Variants in TUBD1 observed in about 807,000 individuals in gnomAD.
TUBD1 encodes the protein tubulin delta 1, also known as tubulin delta chain.
TUBD1 carries 38 observed loss-of-function variants against 51.2 expected under a neutral mutation model. The observed-to-expected ratio is 0.74, with a 90% CI of 0.57 to 0.97. TUBD1 has a LOEUF of 0.97. Ranked by LOEUF, TUBD1 falls within the 50% of genes least tolerant of loss-of-function variation. The pLI is 0.00. For missense variants in TUBD1, 489 were observed against 538.4 expected (o/e 0.91, Z 0.91); for synonymous variants, 169 against 178.2 (o/e 0.95, Z 0.41).
At chr17:59,889,424 T>C (rs2040884460) in intron 2 of TUBD1, among the ~76,000 whole-genome samples, 1 of 151,130 alleles carries the variant, frequency 6.6e-6, no homozygotes, top group South Asian at 2.1e-4. Flanking sequence ...CCCAGCACTT[T>C]GGGAAGCTGA....
chr17:59,891,574 C>T (rs1394412770), intron 1 of TUBD1, among the ~76,000 whole-genome samples: 1 of 152,152 alleles, frequency 6.6e-6, no homozygotes, highest in Non-Finnish European at 1.5e-5. Flanking sequence ...TACCTGAATC[C>T]ATTCATACAC....
chr17:59,888,178 G>A (rs1308090521), intron 2 of TUBD1, among the ~76,000 whole-genome samples: 2 of 151,918 alleles, frequency 1.3e-5, no homozygotes, highest in Non-Finnish European at 1.5e-5. Context: ...CTCATGATTC[G>A]CCCGCCTCGA....
chr17:59,860,012 ATT>A lies in TUBD1; in HGVS notation c.*308_*309del, dbSNP rs750457639. 67 of 125,446 alleles carry A rather than the reference ATT, an allele frequency of 5.3e-4. No homozygotes were observed. Among genetic ancestry groups the A allele is most frequent in the Middle Eastern group, 3.9e-3 (1 of 254 alleles). The allele number at this position is 125,446 out of a possible 1,614,324, so 7.8% of individuals were successfully genotyped here. ...TTTAACAGAATGGAACTTTGAAAAC[ATT>A]TTTTTTTTTTTTTTTTTTTGAGACG... is the stretch of plus-strand genomic sequence containing the variant. On this transcript the variant is annotated 3_prime_UTR_variant, in exon 9 of 9. Coordinates refer to ENST00000325752, the MANE Select transcript of TUBD1 (RefSeq NM_016261.4).
chr17:59,872,528 T>TGTA (rs2040027383), intron 6 of TUBD1, among the ~76,000 whole-genome samples: 1 of 152,160 alleles, frequency 6.6e-6, no homozygotes, highest in African/African-American at 2.4e-5. Flanking sequence ...ATATAATCTA[T>TGTA]GTACACAAGG....
chr17:59,869,474 C>T (rs553547751), intron 6 of TUBD1, among the ~76,000 whole-genome samples: 1 of 151,244 alleles, frequency 6.6e-6, no homozygotes, highest in East Asian at 1.9e-4. Context: ...GATTCTGTCC[C>T]CCCCGCCAAA....
At chr17:59,871,549 A>G (rs1298293722) in intron 6 of TUBD1, among the ~76,000 whole-genome samples, 1 of 152,086 alleles carries the variant, frequency 6.6e-6, no homozygotes, top group African/African-American at 2.4e-5. Context: ...GTACTCTCTT[A>G]GGGAGCTCCT....
chr17:59,874,580 T>A lies in TUBD1; in HGVS notation c.893A>T (p.His298Leu), dbSNP rs763339768. The A allele has an allele frequency of 5.6e-6, 9 of 1,613,312 alleles. No individual in the cohort carries two copies. In the East Asian group the frequency reaches 2.0e-4, roughly 36 times the overall value. The part of the protein sequence containing the change: ...TTFTWAGLLK[H>L]LRQMLISNAK... ...ATTAGAAATGAGCATCTGTCTCAAA[T>A]GCTTGAGGAGGCCAGCCCAAGTAAA... Residue 298 changes from histidine (H) to leucine (L), a missense_variant, in exon 6 of 9, where the codon CAT becomes CTT. Physicochemically the swap from His to Leu is moderately conservative, Grantham distance 99. Transcript: ENST00000325752.
intron 2 of TUBD1, among the ~76,000 whole-genome samples, chr17:59,889,500 C>G (rs1264132562): frequency 6.6e-6 from 1 of 150,450 alleles, no homozygotes; most frequent in Non-Finnish European, 1.5e-5. Flanking sequence ...AACCCCATCT[C>G]TACTAAAAAT....
intron 3 of TUBD1, among the ~76,000 whole-genome samples, chr17:59,881,738 G>A (rs1032991689): frequency 6.6e-6 from 1 of 151,752 alleles, no homozygotes; most frequent in African/African-American, 2.4e-5. Context: ...GTACAATGGC[G>A]CGATCTCGGC....
chr17:59,874,704 C>T lies in TUBD1; in HGVS notation c.770-1G>A, dbSNP rs1384086360. 3 of 1,599,364 alleles carry T rather than the reference C, an allele frequency of 1.9e-6. No homozygotes were observed. The highest frequency in any genetic ancestry group is 2.5e-6 in the Non-Finnish European group (3 of 1,176,642). ...GGAACTAAATGCTCCATTAAGTCTCCTGTAAAGAAAAAAAAATCTGAACTA... is the reference window on the plus strand; with the variant it reads ...GGAACTAAATGCTCCATTAAGTCTCTTGTAAAGAAAAAAAAATCTGAACTA... On this transcript the variant is annotated splice_acceptor_variant, in intron 5 of 8. Transcript: ENST00000325752. LOFTEE classifies it high-confidence loss of function.
chr17:59,864,917 C>G (rs1362963565), intron 7 of TUBD1, among the ~76,000 whole-genome samples: 3 of 151,972 alleles, frequency 2.0e-5, no homozygotes, highest in African/African-American at 4.8e-5. Context: ...ACAGTAGCAC[C>G]ACCATCATTG....
intron 6 of TUBD1, among the ~76,000 whole-genome samples, chr17:59,872,693 AATGTGT>A (rs1295334488): frequency 4.3e-4 from 42 of 97,976 alleles, no homozygotes; most frequent in African/African-American, 1.7e-3. Context: ...TGAAAATGGG[AATGTGT>A]GTGTGTGTGT....
intron 2 of TUBD1, among the ~76,000 whole-genome samples, chr17:59,887,279 C>T (rs2040779977): frequency 6.6e-6 from 1 of 151,296 alleles, no homozygotes; most frequent in East Asian, 1.9e-4. Flanking sequence ...GGCTGAGGCA[C>T]GAGAATTGCT....
intron 7 of TUBD1, among the ~76,000 whole-genome samples, chr17:59,866,231 CT>C (rs544961480): frequency 0.028 from 3,737 of 132,088 alleles, 64 homozygotes; most frequent in Non-Finnish European, 0.041. Context: ...GAAAACAATT[CT>C]TTTTTTTTTT....
At chr17:59,888,282 T>C (rs2040826923) in intron 2 of TUBD1, among the ~76,000 whole-genome samples, 1 of 152,066 alleles carries the variant, frequency 6.6e-6, no homozygotes, top group East Asian at 1.9e-4. Flanking sequence ...TGATAGACAG[T>C]AGACTCCAGG....
In TUBD1 at chr17:59,881,031, T is replaced by C. The variant is rs1568316204; in HGVS notation, c.400A>G (p.Ser134Gly). 1.9e-6 allele frequency: 3 copies of C among 1,614,004 alleles called. No individual in the cohort carries two copies. The Admixed American group carries it at 5.0e-5, about 27-fold the overall frequency. Residue 134 changes from serine to glycine, a missense_variant, in exon 4 of 9, where the codon AGT (serine) becomes GGT (glycine). Ser to Gly is a moderately conservative substitution (Grantham distance 56). Coordinates refer to ENST00000325752, the MANE Select transcript of TUBD1 (RefSeq NM_016261.4). ...ATACTCATTATGATGAAAAAACCAC[T>C]GAAAGAGTCACATTTCTCCACTTCC... is the stretch of plus-strand genomic sequence containing the variant. ...RKEVEKCDSFSGFFIIMSMAG... is the reference protein window; with the variant it reads ...RKEVEKCDSFGGFFIIMSMAG...
At chr17:59,861,888 A>C (rs545202690) in intron 8 of TUBD1, among the ~76,000 whole-genome samples, 1 of 150,836 alleles carries the variant, frequency 6.6e-6, no homozygotes, top group Admixed American at 6.6e-5. Context: ...GGCTGGTCTC[A>C]AACTCCTGAT....
At chr17:59,867,326 CT>C (rs2039754428) in intron 6 of TUBD1, among the ~76,000 whole-genome samples, 1 of 151,970 alleles carries the variant, frequency 6.6e-6, no homozygotes, top group Non-Finnish European at 1.5e-5. Flanking sequence ...ATCATTTTTC[CT>C]GTTTAAAAGG....
intron 8 of TUBD1, among the ~76,000 whole-genome samples, chr17:59,860,987 A>G (rs919876782): frequency 7.2e-5 from 11 of 151,954 alleles, no homozygotes; most frequent in African/African-American, 2.4e-4. Context: ...AGATTTGGCT[A>G]TCTACTCAGT....
Sources: gnomAD v4.1 joint callset for allele counts (sites outside exome capture counted in the v4.1 genomes callset) on GRCh38, gnomAD v4.1.1 for gene constraint, MANE v1.5 for transcripts, NCBI Gene and HGNC (gene_info 2026-07-23, HGNC 2026-07-21) for gene names.